EFCAB6: variants seen among roughly 807,000 people sequenced by gnomAD.
The protein encoded by EFCAB6 is EF-hand calcium-binding domain-containing protein 6.
A neutral mutation model predicts 169.8 loss-of-function variants in EFCAB6; 156 were observed. That is an observed-to-expected ratio of 0.92 (90% confidence interval 0.81 to 1.05). The LOEUF (loss-of-function observed/expected upper bound fraction) is 1.05, where lower values mean the gene tolerates loss of function less well. Among genes scored for constraint, EFCAB6 ranks in the 50% least tolerant of loss-of-function variants. EFCAB6 has a pLI of 0.00. For synonymous variants in EFCAB6, 698 were observed against 676.4 expected (o/e 1.03, Z -0.50); for missense variants, 1,800 against 1,829.1 (o/e 0.98, Z 0.29).
chr22:43,590,429 C>T (rs997590935), intron 23 of EFCAB6, among the ~76,000 whole-genome samples, 200 bp from the exon 24 acceptor site: 2 of 152,110 alleles, frequency 1.3e-5, no homozygotes, highest in Non-Finnish European at 2.9e-5. Context: ...TTATCATTTT[C>T]TTATTACCAT....
chr22:43,661,340 G>T (rs185836154), intron 17 of EFCAB6, among the ~76,000 whole-genome samples: 1 of 152,146 alleles, frequency 6.6e-6, no homozygotes, highest in East Asian at 1.9e-4. Flanking sequence ...TCGCACCATT[G>T]CACTCCAGCC....
chr22:43,528,831 G>T lies in EFCAB6; in HGVS notation c.*22C>A, dbSNP rs369844224. On this transcript the variant is annotated 3_prime_UTR_variant, in exon 32 of 32. Coordinates refer to ENST00000262726, the MANE Select transcript of EFCAB6 (RefSeq NM_022785.4). ...AAACAGGCCCTGTGGCTGTCGTCCC[G>T]CTGGGCACACAGCAGGGGTGTCTAC... 1.6e-5 allele frequency: 26 copies of T among 1,577,604 alleles called. No homozygotes were observed. The highest frequency in any genetic ancestry group is 2.3e-5 in the East Asian group (1 of 43,970).
chr22:43,548,539 C>CAAAAAAAAAA (rs397868076), intron 27 of EFCAB6, among the ~76,000 whole-genome samples: 4 of 36,730 alleles, frequency 1.1e-4, no homozygotes, highest in African/African-American at 4.4e-4. Context: ...GAATCCATCT[C>CAAAAAAAAAA]AAAAAAAAAA....
chr22:43,625,313 G>A (rs903307970), intron 20 of EFCAB6, among the ~76,000 whole-genome samples: 1 of 152,272 alleles, frequency 6.6e-6, no homozygotes, highest in South Asian at 2.1e-4. Flanking sequence ...AAACAGCATA[G>A]TGAGTGTCAC....
chr22:43,650,287 C>T (rs144022134), intron 17 of EFCAB6, among the ~76,000 whole-genome samples: 20 of 152,242 alleles, frequency 1.3e-4, no homozygotes, highest in South Asian at 6.2e-4. Context: ...AAGTCTTTCC[C>T]GTGCTGTTCT....
chr22:43,570,090 C>T (rs1407390648), intron 26 of EFCAB6: 1 of 152,174 alleles, frequency 6.6e-6, no homozygotes, highest in Non-Finnish European at 1.5e-5. Flanking sequence ...ACTTTACCAT[C>T]CCTTTGGTTG....
chr22:43,719,832 T>C (rs1010478222), intron 8 of EFCAB6, among the ~76,000 whole-genome samples: 3 of 152,228 alleles, frequency 2.0e-5, no homozygotes, highest in African/African-American at 7.2e-5. Flanking sequence ...TATTGATTCA[T>C]AATACTGTTT....
chr22:43,802,284 CT>C (rs907264225), intron 2 of EFCAB6, among the ~76,000 whole-genome samples: 2 of 152,138 alleles, frequency 1.3e-5, no homozygotes, highest in African/African-American at 4.8e-5. Context: ...AATCCCAGCA[CT>C]TTGGAGGCCA....
At chr22:43,750,947 C>T (rs2060736159) in intron 6 of EFCAB6, among the ~76,000 whole-genome samples, 1 of 152,094 alleles carries the variant, frequency 6.6e-6, no homozygotes, top group African/African-American at 2.4e-5. Flanking sequence ...CAGGGTAATC[C>T]CATAAAAACC....
At chr22:43,597,500 A>C (rs1211298818) in intron 23 of EFCAB6, among the ~76,000 whole-genome samples, 1 of 152,224 alleles carries the variant, frequency 6.6e-6, no homozygotes, top group Non-Finnish European at 1.5e-5. Flanking sequence ...AAAAATGCTC[A>C]AGGTCACTGA....
At chr22:43,745,651 C>T (rs2060534370) in intron 6 of EFCAB6, among the ~76,000 whole-genome samples, 1 of 152,194 alleles carries the variant, frequency 6.6e-6, no homozygotes, top group African/African-American at 2.4e-5. Context: ...GTCTCCACCA[C>T]TAAATTCATT....
intron 15 of EFCAB6, among the ~76,000 whole-genome samples, chr22:43,671,700 G>A (rs1052932070): frequency 5.0e-4 from 76 of 152,204 alleles, no homozygotes; most frequent in Admixed American, 4.9e-3. Context: ...AGCTGTGTGA[G>A]TTGGAGTGAG....
At chr22:43,755,347 T>A (rs980092338) in intron 6 of EFCAB6, among the ~76,000 whole-genome samples, 1 of 152,246 alleles carries the variant, frequency 6.6e-6, no homozygotes, top group Non-Finnish European at 1.5e-5. Flanking sequence ...AATTACTCAA[T>A]ACTTAAGTAT....
chr22:43,673,563 G>A (rs2057587727), intron 13 of EFCAB6, among the ~76,000 whole-genome samples: 1 of 152,148 alleles, frequency 6.6e-6, no homozygotes, highest in Non-Finnish European at 1.5e-5. Context: ...AACACCTGAG[G>A]TCAGGAGTTC....
At chr22:43,724,097 T>C (rs529751761) in intron 8 of EFCAB6, among the ~76,000 whole-genome samples, 1 of 152,274 alleles carries the variant, frequency 6.6e-6, no homozygotes, top group Admixed American at 6.5e-5. Context: ...TGTCATCCTT[T>C]TGCTTCCAAA....
At chr22:43,648,141 A>G (rs1178768611) in intron 17 of EFCAB6, among the ~76,000 whole-genome samples, 1 of 152,118 alleles carries the variant, frequency 6.6e-6, no homozygotes, top group Non-Finnish European at 1.5e-5. Flanking sequence ...TGTATATGAT[A>G]TATATCCTCA....
At chr22:43,675,418 TATATA>T (rs1300700006) in intron 13 of EFCAB6, among the ~76,000 whole-genome samples, 29 of 121,886 alleles carry the variant, frequency 2.4e-4, no homozygotes, top group East Asian at 8.3e-4. Context: ...GGATTTATAA[TATATA>T]ATATAATATA....
At position 43,686,837 on chromosome 22, in the gene EFCAB6, T is replaced by C. The variant is rs117426904; in HGVS notation, c.1142+634A>G. Among the ~76,000 whole-genome samples the C allele has an allele frequency of 1.9e-3, 296 of 152,310 alleles. 3 individuals carry two copies. The highest frequency in any genetic ancestry group is 2.9e-3 in the Non-Finnish European group (196 of 68,038). On this transcript the variant is annotated intron_variant, in intron 11 of 31. Transcript: ENST00000262726. ...TTCATAGAGGGCAATGAATACAGGA[T>C]ACGCATCAACATAAAATACTTCTCA...
chr22:43,773,057 C>T lies in EFCAB6; in HGVS notation c.186G>A (p.Arg62=). Residue 62 remains arginine, a synonymous_variant, in exon 4 of 32, where the codon CGG becomes CGA. Coordinates refer to ENST00000262726, the MANE Select transcript of EFCAB6 (RefSeq NM_022785.4). ...TGTCGGTAATTTTTTGAAATAAAAT[C>T]CGTTTAACATCTAAGGAGGACAGTG... The part of the protein sequence containing the change: ...NPTLSSLDVK[R]ILFQKITDRG... The T allele has an allele frequency of 1.2e-6, 2 of 1,614,194 alleles. No homozygotes were observed. The highest frequency in any genetic ancestry group is 1.7e-6 in the Non-Finnish European group (2 of 1,180,030).
Sources: gnomAD v4.1 joint callset for allele counts (sites outside exome capture counted in the v4.1 genomes callset) on GRCh38, gnomAD v4.1.1 for gene constraint, MANE v1.5 for transcripts, NCBI Gene and HGNC (gene_info 2026-07-23, HGNC 2026-07-21) for gene names.